RBFOX1: variants seen among roughly 807,000 people sequenced by gnomAD.
RBFOX1 encodes RNA binding fox-1 homolog 1.
In RBFOX1, 8 loss-of-function variants were observed where a neutral mutation model predicts 57.7. The observed-to-expected ratio is 0.14, with a 90% CI of 0.08 to 0.25. RBFOX1 has a LOEUF of 0.25. Among genes scored for constraint, RBFOX1 ranks in the 10% least tolerant of loss-of-function variants. The probability of loss-of-function intolerance (pLI) is 1.00; values close to 1 mark genes in which losing one functional copy is unlikely to be tolerated. For synonymous variants in RBFOX1, 326 were observed against 222.4 expected, an observed-to-expected ratio of 1.47 and a Z score of -4.15; for missense variants, 611 against 548.5, an observed-to-expected ratio of 1.11 and a Z score of -1.14.
intron 1 of RBFOX1, among the ~76,000 whole-genome samples, chr16:6,276,357 G>C (rs1032227653): frequency 2.0e-5 from 3 of 150,576 alleles, no homozygotes; most frequent in Admixed American, 6.6e-5. Flanking sequence ...TTTTTGTTAA[G>C]ACAGTCCCAT....
chr16:5,797,133 A>C (rs542618065), intron 3 of RBFOX1, among the ~76,000 whole-genome samples: 1 of 152,218 alleles, frequency 6.6e-6, no homozygotes, highest in South Asian at 2.1e-4. Context: ...GGGACTCTAC[A>C]GTGGTGACAT....
intron 3 of RBFOX1, among the ~76,000 whole-genome samples, chr16:6,974,270 A>G (rs1480216111): frequency 6.9e-6 from 1 of 145,712 alleles, no homozygotes; most frequent in Non-Finnish European, 1.5e-5. Context: ...GTACAGTTTG[A>G]GTTGGTGTCA....
intron 1 of RBFOX1, among the ~76,000 whole-genome samples, chr16:6,061,224 T>C (rs1362519366): frequency 2.6e-5 from 4 of 152,106 alleles, no homozygotes; most frequent in African/African-American, 9.7e-5. Context: ...ACTATAGCAA[T>C]TGATTAATAG....
At position 6,010,397 on chromosome 16, in the gene RBFOX1, G is replaced by A. The variant is rs1041206702; in HGVS notation, c.351+143062G>A. 3.8e-4 allele frequency among the ~76,000 whole-genome samples: 58 copies of A among 152,202 alleles called. 2 individuals carry two copies. Among genetic ancestry groups the A allele is most frequent in the South Asian group, 2.1e-4 (1 of 4,830 alleles). ...GGAGTATGTTTTATACTAGCTCCAA[G>A]AAGTCTTTATTTGGAATAATTTCCA... On this transcript the variant is annotated intron_variant, in intron 4 of 19. Transcript: ENST00000641259.
chr16:5,334,829 C>T (rs1267912418), intron 1 of RBFOX1, among the ~76,000 whole-genome samples: 10 of 151,502 alleles, frequency 6.6e-5, no homozygotes, highest in Non-Finnish European at 3.0e-5. Flanking sequence ...CACAGTTGGC[C>T]ATCTTTAAGC....
At position 7,164,205 on chromosome 16, in the gene RBFOX1, A is replaced by T. The variant is rs540680367; in HGVS notation, c.27+112107A>T. ...AGCTTAGCCCCCACATATGAGTGAG[A>T]ACATATGATGTTTGCTTTTCCATTC... is the stretch of plus-strand genomic sequence containing the variant. On this transcript the variant is annotated intron_variant, in intron 4 of 15. Coordinates refer to ENST00000550418, the MANE Select transcript of RBFOX1 (RefSeq NM_018723.4). Among the ~76,000 whole-genome samples, 3 of 152,216 alleles carry T rather than the reference A, an allele frequency of 2.0e-5. No individual in the cohort carries two copies. The South Asian group carries it at 6.2e-4, about 32-fold the overall frequency.
At chr16:6,222,684 TTTATTA>T (rs57108959) in intron 1 of RBFOX1, among the ~76,000 whole-genome samples, 2,984 of 141,296 alleles carry the variant, frequency 0.021, 48 homozygotes, top group Middle Eastern at 0.04. Flanking sequence ...TTTCTTTTCT[TTTATTA>T]TTATTATTAT....
chr16:7,703,509 C>T (rs1194916538), intron 14 of RBFOX1, among the ~76,000 whole-genome samples: 3 of 152,168 alleles, frequency 2.0e-5, no homozygotes, highest in Non-Finnish European at 4.4e-5. Context: ...GTTCCCAGGG[C>T]ATAAACGCTC....
chr16:5,846,953 A>G (rs1219502243), intron 3 of RBFOX1, among the ~76,000 whole-genome samples: 1 of 152,200 alleles, frequency 6.6e-6, no homozygotes, highest in East Asian at 1.9e-4. Flanking sequence ...TCCAGGCTGC[A>G]CAGTGCTGCT....
chr16:6,166,609 TC>T (rs2096919263), intron 1 of RBFOX1, among the ~76,000 whole-genome samples: 1 of 152,106 alleles, frequency 6.6e-6, no homozygotes, highest in African/African-American at 2.4e-5. Flanking sequence ...GCCTTTGTTT[TC>T]AGGAAAAGGA....
chr16:7,054,163 C>T (rs1485677200), intron 4 of RBFOX1, among the ~76,000 whole-genome samples: 3 of 128,798 alleles, frequency 2.3e-5, no homozygotes, highest in African/African-American at 3.1e-5. Flanking sequence ...TGTAAGAGCC[C>T]TTCCATCACC....
intron 4 of RBFOX1, among the ~76,000 whole-genome samples, chr16:7,081,541 G>C (rs2059201365): frequency 6.6e-6 from 1 of 152,158 alleles, no homozygotes; most frequent in Non-Finnish European, 1.5e-5. Flanking sequence ...ATGGGAATGA[G>C]AGTAGTGGGA....
chr16:7,423,359 G>A (rs1053313413), intron 4 of RBFOX1, among the ~76,000 whole-genome samples: 115 of 152,188 alleles, frequency 7.6e-4, no homozygotes, highest in African/African-American at 2.5e-3. Flanking sequence ...AAAAGTTGTG[G>A]GGGGTGGGGG....
chr16:7,129,373 G>A (rs1310845061), intron 4 of RBFOX1, among the ~76,000 whole-genome samples: 2 of 152,064 alleles, frequency 1.3e-5, no homozygotes, highest in African/African-American at 2.4e-5. Context: ...CTAAACCATG[G>A]GTACTGGAAG....
At chr16:6,786,174 C>A (rs775735913) in intron 3 of RBFOX1, among the ~76,000 whole-genome samples, 1 of 152,126 alleles carries the variant, frequency 6.6e-6, no homozygotes, top group African/African-American at 2.4e-5. Flanking sequence ...GCGAAGATTC[C>A]CATGACCCTG....
chr16:6,917,410 G>C (rs1597164459), intron 3 of RBFOX1, among the ~76,000 whole-genome samples: 1 of 152,160 alleles, frequency 6.6e-6, no homozygotes, highest in African/African-American at 2.4e-5. Context: ...ATCTTATAAA[G>C]AAATCTACAA....
chr16:6,427,813 C>A (rs2152999054), intron 2 of RBFOX1, among the ~76,000 whole-genome samples: 1 of 152,268 alleles, frequency 6.6e-6, no homozygotes, highest in Admixed American at 6.5e-5. Context: ...ATTGCACAAC[C>A]TCTGAAGCCA....
chr16:7,696,068 G>C (rs1312114210), intron 14 of RBFOX1, among the ~76,000 whole-genome samples: 2 of 152,190 alleles, frequency 1.3e-5, no homozygotes, highest in African/African-American at 2.4e-5. Flanking sequence ...CGTGGGTCTT[G>C]TGTCGAGAGT....
intron 4 of RBFOX1, among the ~76,000 whole-genome samples, chr16:7,109,885 C>T (rs1327511853): frequency 2.0e-5 from 3 of 152,186 alleles, no homozygotes; most frequent in Non-Finnish European, 4.4e-5. Flanking sequence ...CTGAACTTTT[C>T]ATTTCATGCA....
Sources: allele counts gnomAD v4.1 joint callset (sites outside exome capture counted in the v4.1 genomes callset), GRCh38; gene constraint gnomAD v4.1.1; transcripts MANE v1.5; gene names NCBI Gene and HGNC (gene_info 2026-07-23, HGNC 2026-07-21).